Variants in MCM9 observed in about 807,000 individuals in gnomAD.
The protein encoded by MCM9 is minichromosome maintenance 9 homologous recombination repair factor.
MCM9 carries 55 observed loss-of-function variants against 72.8 expected under a neutral mutation model. The observed-to-expected ratio is 0.76, with a 90% confidence interval of 0.61 to 0.95. The LOEUF is 0.95. MCM9 is among the 40% of genes least tolerant of loss of function. The probability of loss-of-function intolerance (pLI) is 0.00; values close to 1 mark genes in which losing one functional copy is unlikely to be tolerated. For synonymous variants in MCM9, 480 were observed against 503.4 expected, an observed-to-expected ratio of 0.95 and a Z score of 0.62; for missense variants, 1,279 against 1,377.0, an observed-to-expected ratio of 0.93 and a Z score of 1.13.
intron 3 of MCM9, among the ~76,000 whole-genome samples, chr6:118,927,629 A>T (rs1782008713): frequency 6.6e-6 from 1 of 152,032 alleles, no homozygotes; most frequent in Non-Finnish European, 1.5e-5. Context: ...GCAAGAAAAG[A>T]AAGAGAAGTC....
At chr6:118,823,391 C>T (rs1355888019) in intron 13 of MCM9, among the ~76,000 whole-genome samples, 1 of 152,180 alleles carries the variant, frequency 6.6e-6, no homozygotes, top group Non-Finnish European at 1.5e-5. Context: ...TGATGCCCCA[C>T]CCTGCTTCTG....
At chr6:118,851,717 T>C (rs989069093) in intron 9 of MCM9, among the ~76,000 whole-genome samples, 1 of 149,632 alleles carries the variant, frequency 6.7e-6, no homozygotes, top group South Asian at 2.1e-4. Flanking sequence ...TTGTGATCCA[T>C]GTCATAGTTC....
chr6:118,844,926 A>C (rs1398435406), intron 9 of MCM9, among the ~76,000 whole-genome samples: 1 of 151,892 alleles, frequency 6.6e-6, no homozygotes, highest in East Asian at 1.9e-4. Flanking sequence ...AACACTGGAA[A>C]GTACCCCAAG....
chr6:118,817,046 T>TAATCATTTTAAATGATTTTA lies in MCM9; in HGVS notation c.1962-772_1962-753dup, dbSNP rs574987435. On this transcript the variant is annotated intron_variant, in intron 13 of 13. Coordinates refer to ENST00000619706, the MANE Select transcript of MCM9 (RefSeq NM_017696.3). ...TACGAATGAAAGATCTGTTCAGTGA[T>TAATCATTTTAAATGATTTTA]AATCATTTTAAATGATTTTAAATCA... 1.2e-3 allele frequency among the ~76,000 whole-genome samples: 181 copies of TAATCATTTTAAATGATTTTA among 152,346 alleles called. 1 individual carries two copies. Among genetic ancestry groups the TAATCATTTTAAATGATTTTA allele is most frequent in the African/African-American group, 4.2e-3 (174 of 41,578 alleles).
chr6:118,901,142 T>C, intron 8 of MCM9: 1 of 286,554 alleles, frequency 3.5e-6, no homozygotes. Flanking sequence ...TTATACTGTA[T>C]CATGGCACAC....
chr6:118,908,895 G>C (rs1401756636), intron 8 of MCM9: 2 of 152,566 alleles, frequency 1.3e-5, no homozygotes, highest in Non-Finnish European at 2.9e-5. Flanking sequence ...GTTGAGGAAA[G>C]GAAAAGGGCA....
intron 8 of MCM9, among the ~76,000 whole-genome samples, chr6:118,861,190 A>T (rs1017750448): frequency 6.6e-6 from 1 of 152,198 alleles, no homozygotes; most frequent in Non-Finnish European, 1.5e-5. Context: ...ACGTACCATA[A>T]GCAGCTTCTA....
At chr6:118,897,612 C>A (rs1050994163) in intron 8 of MCM9, among the ~76,000 whole-genome samples, 11 of 152,068 alleles carry the variant, frequency 7.2e-5, no homozygotes, top group African/African-American at 2.4e-4. Flanking sequence ...GCTAAAAATT[C>A]TCTTGATGAC....
At chr6:118,850,728 G>C (rs1217265220) in intron 9 of MCM9, among the ~76,000 whole-genome samples, 2 of 151,780 alleles carry the variant, frequency 1.3e-5, no homozygotes, top group Non-Finnish European at 2.9e-5. Context: ...CCGCCTGGGG[G>C]TTCTTGTTTC....
rs141489965 is a variant in MCM9, at chr6:118,931,546, T to C, written c.178A>G (p.Met60Val). 3.1e-6 allele frequency: 5 copies of C among 1,614,154 alleles called. 1 individual carries two copies. In the African/African-American group the frequency reaches 5.3e-5, roughly 17 times the overall value. The change falls in exon 3 of 14, where the codon ATG (methionine) becomes GTG (valine). Residue 60 changes from methionine to valine, a missense_variant. Coordinates refer to ENST00000619706, the MANE Select transcript of MCM9 (RefSeq NM_017696.3). ...ATTGTAAGCACTTCACTGGGGAACA[T>C]GTTGAAATATTCCCCGATTTCCATG... The part of the protein sequence containing the change: ...TNMEIGEYFN[M>V]FPSEVLTIFD...
chr6:118,885,158 T>TGCACTCCAGCATGGGAGACAGA (rs1292603668), intron 8 of MCM9, among the ~76,000 whole-genome samples: 2 of 151,870 alleles, frequency 1.3e-5, no homozygotes, highest in Non-Finnish European at 2.9e-5. Context: ...ATTGCGCCGC[T>TGCACTCCAGCATGGGAGACAGA]GCACTCCAGC....
chr6:118,913,350 G>A lies in MCM9; in HGVS notation c.975C>T (p.Ala325=). 1.2e-6 allele frequency: 2 copies of A among 1,614,016 alleles called. No homozygotes were observed. The highest frequency in any genetic ancestry group is 1.7e-6 in the Non-Finnish European group (2 of 1,180,000). ...FGMYLVKLAV[A]MVLAGGIQRT... Reference sequence around the variant, plus strand: ...TTTGAATCCCACCAGCCAGCACCATGGCCACAGCAAGCTTTACTAGATACA... The same window carrying A: ...TTTGAATCCCACCAGCCAGCACCATAGCCACAGCAAGCTTTACTAGATACA... The change falls in exon 7 of 14, where the codon GCC becomes GCT. Residue 325 remains alanine (A), a synonymous_variant. Transcript: ENST00000619706.
chr6:118,874,904 A>T (rs1777840099), intron 8 of MCM9, among the ~76,000 whole-genome samples: 2 of 152,214 alleles, frequency 1.3e-5, no homozygotes, highest in African/African-American at 4.8e-5. Flanking sequence ...ACCTGAGGTC[A>T]GGAGTTCGAG....
intron 8 of MCM9, chr6:118,907,375 C>T: frequency 6.7e-7 from 1 of 1,492,494 alleles, no homozygotes; most frequent in Non-Finnish European, 9.2e-7. Context: ...TAGTGTTTAC[C>T]ATTTGTATGT....
chr6:118,897,481 GA>G lies in MCM9; in HGVS notation c.1150+14168del, dbSNP rs1315109970. ...ATCTTAATTACAGCTACTGTCAATTGAATACTTATAATATACCAGAATTGAG... is the reference window on the plus strand; with the variant it reads ...ATCTTAATTACAGCTACTGTCAATTGATACTTATAATATACCAGAATTGAG... On this transcript the variant is annotated intron_variant, in intron 8 of 13. Coordinates refer to ENST00000619706, the MANE Select transcript of MCM9 (RefSeq NM_017696.3). Among the ~76,000 whole-genome samples the G allele has an allele frequency of 3.9e-5, 6 of 151,948 alleles. No homozygotes were observed. In the East Asian group the frequency reaches 7.7e-4, roughly 20 times the overall value.
intron 8 of MCM9, among the ~76,000 whole-genome samples, chr6:118,869,784 G>A (rs1381582064): frequency 6.6e-6 from 1 of 152,004 alleles, no homozygotes; most frequent in Non-Finnish European, 1.5e-5. Flanking sequence ...AGGACTCTCA[G>A]ACTGAAAGTG....
In MCM9 at chr6:118,825,025, C is replaced by A. The variant is rs75462035; in HGVS notation, c.1961+1122G>T. ...TAAATTTGGGAAGTCTAATTGCCAT[C>A]TTTCTAATTCATAACAATGATTCTG... On this transcript the variant is annotated intron_variant, in intron 13 of 13. Coordinates refer to ENST00000619706, the MANE Select transcript of MCM9 (RefSeq NM_017696.3). Among the ~76,000 whole-genome samples, 893 of 152,328 alleles carry A rather than the reference C, an allele frequency of 5.9e-3. 2 individuals carry two copies. The highest frequency in any genetic ancestry group is 9.0e-3 in the Non-Finnish European group (609 of 68,026).
Position 118,865,091 on chromosome 6 carries a change from G to C in MCM9, c.1151-8546C>G, listed in dbSNP as rs575144382. 1.1e-3 allele frequency among the ~76,000 whole-genome samples: 164 copies of C among 152,304 alleles called. 1 individual carries two copies. The highest frequency in any genetic ancestry group is 3.6e-3 in the African/African-American group (151 of 41,564). ...AGGTTTATTAATCTCTCATGGAAGA[G>C]AGTCTGACTGTATATTGAGCACCCA... On this transcript the variant is annotated intron_variant, in intron 8 of 13. Transcript: ENST00000619706.
Position 118,856,471 on chromosome 6 carries a change from C to T in MCM9, c.1225G>A (p.Gly409Ser). ...EAGALVLADA[G>S]LCCIDEFNSL... ...TTGAACTCATCAATACAGCAAAGGC[C>T]CGCATCTGCAAGAACTAATGCCCCA... The change falls in exon 9 of 14, where the codon GGC (glycine) becomes AGC (serine). Residue 409 changes from glycine (G) to serine (S), a missense_variant. Gly to Ser is a moderately conservative substitution (Grantham distance 56). Transcript: ENST00000619706. The T allele has an allele frequency of 2.0e-6, 3 of 1,535,622 alleles. No individual in the cohort carries two copies. The highest frequency in any genetic ancestry group is 2.4e-5 in the South Asian group (2 of 84,054).
Sources: gnomAD v4.1 joint callset for allele counts (sites outside exome capture counted in the v4.1 genomes callset) on GRCh38, gnomAD v4.1.1 for gene constraint, MANE v1.5 for transcripts, NCBI Gene and HGNC (gene_info 2026-07-23, HGNC 2026-07-21) for gene names.